The following CCDC110 variants were observed in gnomAD, a reference collection of about 807,000 sequenced individuals.
The protein encoded by CCDC110 is coiled-coil domain-containing protein 110.
A neutral mutation model predicts 77.1 loss-of-function variants in CCDC110; 70 were observed. That is an observed-to-expected ratio of 0.91 (90% CI 0.75 to 1.11). The LOEUF (loss-of-function observed/expected upper bound fraction) is 1.11, where lower values mean the gene tolerates loss of function less well. CCDC110 is among the 50% of genes least tolerant of loss of function. The pLI is 0.00. For missense variants in CCDC110, 868 were observed against 942.9 expected, an observed-to-expected ratio of 0.92 and a Z score of 1.04; for synonymous variants, 295 against 312.5, an observed-to-expected ratio of 0.94 and a Z score of 0.59.
chr4:185,466,203 G>A (rs969774999), intron 2 of CCDC110, among the ~76,000 whole-genome samples: 2 of 151,966 alleles, frequency 1.3e-5, no homozygotes, highest in Non-Finnish European at 2.9e-5. Flanking sequence ...GTGAAACCCT[G>A]TCTCTACTAA....
At chr4:185,448,221 G>A (rs531020142) in intron 6 of CCDC110, among the ~76,000 whole-genome samples, 22 of 152,076 alleles carry the variant, frequency 1.4e-4, no homozygotes, top group Admixed American at 3.9e-4. Context: ...GGGTTTTGCC[G>A]TGTTGGTCAG....
In CCDC110 at chr4:185,471,679, C is replaced by A; in HGVS notation, c.5G>T (p.Ser2Ile). Residue 2 changes from serine (S) to isoleucine (I), a missense_variant, in exon 1 of 7, where the codon AGC becomes ATC. Physicochemically the swap from Ser to Ile is moderately radical, Grantham distance 142. Coordinates refer to ENST00000307588, the MANE Select transcript of CCDC110 (RefSeq NM_152775.4). ...CCGCCCCGTCCAACTCTTACCCGGG[C>A]TCATCGCCGCGGCTCATCTCTCTCG... is the stretch of plus-strand genomic sequence containing the variant. M[S>I]PEKQHREEDE... 3 of 1,552,940 alleles carry A rather than the reference C, an allele frequency of 1.9e-6. No homozygotes were observed. Among genetic ancestry groups the A allele is most frequent in the Non-Finnish European group, 2.6e-6 (3 of 1,153,854 alleles).
Position 185,445,531 on chromosome 4 carries a change from C to T in CCDC110, c.2473G>A (p.Val825Ile), listed in dbSNP as rs1369075454. The T allele has an allele frequency of 1.3e-6, 2 of 1,568,646 alleles. No individual in the cohort carries two copies. Among genetic ancestry groups the T allele is most frequent in the Non-Finnish European group, 1.7e-6 (2 of 1,145,266 alleles). The stretch of plus-strand genomic sequence containing the variant: ...TGATGCTTGAGAGTTCTGTCTTTAA[C>T]TTTGAAATAACCTATGAAAATAGAA... ...LASDLKGYFKVKDRTLKHH is the reference protein window; with the variant it reads ...LASDLKGYFKIKDRTLKHH Residue 825 changes from valine to isoleucine, a missense_variant, in exon 7 of 7, where the codon GTT (valine) becomes ATT (isoleucine). Physicochemically the swap from Val to Ile is conservative, Grantham distance 29. Coordinates refer to ENST00000307588, the MANE Select transcript of CCDC110 (RefSeq NM_152775.4).
intron 2 of CCDC110, 81 bp downstream of exon 2, chr4:185,470,864 C>T (rs1260434174): frequency 2.0e-6 from 2 of 1,020,878 alleles, no homozygotes; most frequent in Non-Finnish European, 1.6e-6. Context: ...GTGGGAAGCA[C>T]GCCAGGTGAG....
Position 185,459,583 on chromosome 4 carries a change from T to C in CCDC110, c.1004A>G (p.His335Arg). Residue 335 changes from histidine to arginine, a missense_variant, in exon 6 of 7, where the codon CAT becomes CGT. Coordinates refer to ENST00000307588, the MANE Select transcript of CCDC110 (RefSeq NM_152775.4). ...FRETVSKFHV[H>R]FCRKCKKLSK... is the part of the protein sequence containing the mutation. ...TAACTTTTTACATTTTCTACAAAAA[T>C]GCACATGGAATTTTGACACAGTTTC... The C allele has an allele frequency of 6.2e-7, 1 of 1,613,342 alleles. No individual in the cohort carries two copies. Among genetic ancestry groups the C allele is most frequent in the Non-Finnish European group, 8.5e-7 (1 of 1,179,742 alleles).
chr4:185,462,510 G>C, intron 4 of CCDC110, 133 bp downstream of exon 4: 2 of 663,212 alleles, frequency 3.0e-6, no homozygotes, highest in Non-Finnish European at 5.3e-6. Context: ...TAAATTTTGA[G>C]CCTAGAATAT....
chr4:185,460,199 T>A lies in CCDC110; in HGVS notation c.388A>T (p.Ser130Cys). The A allele has an allele frequency of 6.2e-7, 1 of 1,608,898 alleles. No individual in the cohort carries two copies. Reference protein sequence around the residue: ...NQEENLSMEKSHHFEDSKTLH... With the variant: ...NQEENLSMEKCHHFEDSKTLH... ...GTCTTGGAATCCTCAAAATGATGAC[T>A]TTTCTCCATAGAAAGGTTTTCTTCT... The change falls in exon 6 of 7, where the codon AGT becomes TGT. Residue 130 changes from serine to cysteine, a missense_variant. Coordinates refer to ENST00000307588, the MANE Select transcript of CCDC110 (RefSeq NM_152775.4).
chr4:185,463,233 A>G (rs1442328057), intron 2 of CCDC110, among the ~76,000 whole-genome samples, 184 bp from the exon 3 acceptor site: 5 of 152,194 alleles, frequency 3.3e-5, no homozygotes. Flanking sequence ...TAATATATCC[A>G]CTTGAGGTTG....
intron 6 of CCDC110, among the ~76,000 whole-genome samples, chr4:185,453,894 A>C (rs1205311175): frequency 6.8e-6 from 1 of 146,724 alleles, no homozygotes; most frequent in Non-Finnish European, 1.5e-5. Flanking sequence ...GCTCACTGCA[A>C]CCTCTGCCTC....
chr4:185,449,447 T>G, intron 6 of CCDC110: 1 of 502,820 alleles, frequency 2.0e-6, no homozygotes, highest in South Asian at 3.4e-5. Context: ...CCTAAAAGCC[T>G]AGGAGGTTGA....
intron 4 of CCDC110, among the ~76,000 whole-genome samples, chr4:185,461,988 C>A (rs2095647238): frequency 6.6e-6 from 1 of 152,300 alleles, no homozygotes; most frequent in African/African-American, 2.4e-5. Flanking sequence ...ATCCCAGCTA[C>A]TCAGGAGGCT....
Position 185,459,297 on chromosome 4 carries a change from G to C in CCDC110, c.1290C>G (p.Tyr430Ter). ...CAGATTCTTTTAGGTAATTCTGTAA[G>C]TACTGAATTTTTGCAACACACTGCT... Reference protein sequence around the residue: ...VTEQCVAKIQYLQNYLKESVQ... With the variant: ...VTEQCVAKIQ Residue 430 changes from tyrosine (Y) to a stop codon, truncating the protein, a stop_gained, in exon 6 of 7, where the codon TAC becomes TAG. Coordinates refer to ENST00000307588, the MANE Select transcript of CCDC110 (RefSeq NM_152775.4). LOFTEE classifies it high-confidence loss of function. 1 of 1,612,152 alleles carries C rather than the reference G, an allele frequency of 6.2e-7. No homozygotes were observed. The highest frequency in any genetic ancestry group is 8.5e-7 in the Non-Finnish European group (1 of 1,178,576).
intron 6 of CCDC110, among the ~76,000 whole-genome samples, chr4:185,451,326 T>C (rs1374819033): frequency 6.6e-6 from 1 of 152,244 alleles, no homozygotes; most frequent in Non-Finnish European, 1.5e-5. Flanking sequence ...CGGTCCAGGC[T>C]GCCTAGAGCT....
Position 185,470,981 on chromosome 4 carries a change from A to G in CCDC110, c.79T>C (p.Ser27Pro), listed in dbSNP as rs757766751. 5.0e-6 allele frequency: 8 copies of G among 1,610,260 alleles called. No homozygotes were observed. Among genetic ancestry groups the G allele is most frequent in the Non-Finnish European group, 5.9e-6 (7 of 1,179,268 alleles). The stretch of plus-strand genomic sequence containing the variant: ...CAGCCACTTTCCTTCACCCCCTCCG[A>G]AGAATTTAGGATCTTGGACGCTGAA... ...LLSASKILNS[S>P]EGVKESGCSD... The change falls in exon 2 of 7, where the codon TCG becomes CCG. Residue 27 changes from serine (S) to proline (P), a missense_variant. Transcript: ENST00000307588.
At chr4:185,447,691 C>T (rs2095618066) in intron 6 of CCDC110, among the ~76,000 whole-genome samples, 1 of 152,140 alleles carries the variant, frequency 6.6e-6, no homozygotes, top group South Asian at 2.1e-4. Flanking sequence ...AGTGTCTTTC[C>T]TATGAATTCA....
intron 6 of CCDC110, among the ~76,000 whole-genome samples, chr4:185,448,966 C>A (rs2095623155): frequency 6.6e-6 from 1 of 151,788 alleles, no homozygotes; most frequent in Non-Finnish European, 1.5e-5. Context: ...AAATCTCTTT[C>A]TTTTTATAAT....
chr4:185,454,903 C>T (rs943941494), intron 6 of CCDC110, among the ~76,000 whole-genome samples: 2 of 152,058 alleles, frequency 1.3e-5, no homozygotes, highest in Admixed American at 6.5e-5. Context: ...GCTGGGACTA[C>T]AGGTATGTAC....
chr4:185,463,913 G>A (rs931253734), intron 2 of CCDC110, among the ~76,000 whole-genome samples: 10 of 152,074 alleles, frequency 6.6e-5, no homozygotes, highest in South Asian at 2.1e-4. Flanking sequence ...TGGCGACTCC[G>A]ATACTAAGAT....
At chr4:185,470,631 C>T in intron 2 of CCDC110, 1 of 503,334 alleles carries the variant, frequency 2.0e-6, no homozygotes. Context: ...GACAGGCAGT[C>T]CGGAGCCGCC....
Sources: allele counts gnomAD v4.1 joint callset (sites outside exome capture counted in the v4.1 genomes callset), GRCh38; gene constraint gnomAD v4.1.1; transcripts MANE v1.5; gene names NCBI Gene and HGNC (gene_info 2026-07-23, HGNC 2026-07-21).